The following ZGRF1 variants were observed in gnomAD, a reference collection of about 807,000 sequenced individuals.
ZGRF1 encodes zinc finger GRF-type containing 1.
Under a neutral mutation model 203.5 loss-of-function variants are expected in ZGRF1, and 196 were observed. That is an observed-to-expected ratio of 0.96 (90% CI 0.86 to 1.08). ZGRF1 has a LOEUF of 1.08. Ranked by LOEUF, ZGRF1 falls within the 50% of genes least tolerant of loss-of-function variation. The pLI is 0.00. For synonymous variants in ZGRF1, 809 were observed against 841.3 expected (o/e 0.96, Z 0.66); for missense variants, 2,326 against 2,416.3 (o/e 0.96, Z 0.78).
intron 1 of ZGRF1, among the ~76,000 whole-genome samples, chr4:112,634,667 G>A (rs2047522805): frequency 6.6e-6 from 1 of 151,172 alleles, no homozygotes; most frequent in Non-Finnish European, 1.5e-5. Context: ...AAAAATAAAA[G>A]GGCGAGGCGG....
At chr4:112,604,032 G>A (rs931628047) in intron 9 of ZGRF1, among the ~76,000 whole-genome samples, 3 of 152,122 alleles carry the variant, frequency 2.0e-5, no homozygotes, top group Non-Finnish European at 4.4e-5. Context: ...AGATCAGCCT[G>A]ACCAACATGG....
At chr4:112,621,864 T>C (rs1442817473) in intron 4 of ZGRF1, among the ~76,000 whole-genome samples, 1 of 151,136 alleles carries the variant, frequency 6.6e-6, no homozygotes, top group Non-Finnish European at 1.5e-5. Flanking sequence ...GCAGCTGGGA[T>C]TGCAGGCATG....
At chr4:112,588,356 C>T (rs528726445) in intron 11 of ZGRF1, among the ~76,000 whole-genome samples, 1 of 152,208 alleles carries the variant, frequency 6.6e-6, no homozygotes, top group African/African-American at 2.4e-5. Flanking sequence ...TTTTTTATAT[C>T]TACTTTACAT....
chr4:112,547,315 T>G lies in ZGRF1; in HGVS notation c.5568A>C (p.Glu1856Asp), dbSNP rs1292059930. 1 of 1,613,348 alleles carries G rather than the reference T, an allele frequency of 6.2e-7. No homozygotes were observed. The highest frequency in any genetic ancestry group is 1.3e-5 in the African/African-American group (1 of 74,904). ...AGCAAAGTCGATCAAAAAGAGTTTG[T>G]TCCAATCCATTTTCATGAGCTGCAT... ...GSDAAHENGL[E>D]QTLFDRLCLM... The change falls in exon 24 of 28, where the codon GAA becomes GAC. Residue 1856 changes from glutamate to aspartate, a missense_variant. Physicochemically the swap from Glu to Asp is conservative, Grantham distance 45. Coordinates refer to ENST00000505019, the MANE Select transcript of ZGRF1 (RefSeq NM_018392.5).
In ZGRF1 at chr4:112,554,754, T is replaced by C. The variant is rs970600197; in HGVS notation, c.5149A>G (p.Ile1717Val). 21 of 1,543,232 alleles carry C rather than the reference T, an allele frequency of 1.4e-5. No individual in the cohort carries two copies. The highest frequency in any genetic ancestry group is 2.4e-5 in the East Asian group (1 of 40,890). ...ATCTTCCTAACACTCCCAACTCTGA[T>C]AAAGTTTTCAAATCCAAGACTGAGA... Reference protein sequence around the residue: ...GLLSLGFENFIRVGSVRKIAK... With the variant: ...GLLSLGFENFVRVGSVRKIAK... The change falls in exon 21 of 28, where the codon ATC becomes GTC. Residue 1717 changes from isoleucine (I) to valine (V), a missense_variant. By Grantham distance (29) the Ile-to-Val change is conservative. Transcript: ENST00000505019.
At chr4:112,601,630 C>T (rs1341029083) in intron 10 of ZGRF1, among the ~76,000 whole-genome samples, 3 of 150,722 alleles carry the variant, frequency 2.0e-5, no homozygotes, top group East Asian at 2.0e-4. Context: ...CCCAGCTACT[C>T]GAGAGTCTGA....
chr4:112,613,489 GACAA>G (rs1289267450), intron 6 of ZGRF1, among the ~76,000 whole-genome samples: 4 of 151,988 alleles, frequency 2.6e-5, no homozygotes, highest in Non-Finnish European at 5.9e-5. Context: ...AGACACAAAA[GACAA>G]ACAAATAACT....
intron 3 of ZGRF1, among the ~76,000 whole-genome samples, chr4:112,631,682 A>G (rs775025931): frequency 2.6e-4 from 40 of 152,208 alleles, no homozygotes; most frequent in Non-Finnish European, 3.2e-4. Context: ...AAAAAAAATA[A>G]AAATAAATAA....
At position 112,618,471 on chromosome 4, in the gene ZGRF1, G is replaced by C. The variant is rs997874611; in HGVS notation, c.1571C>G (p.Thr524Arg). 2.5e-6 allele frequency: 4 copies of C among 1,613,482 alleles called. No homozygotes were observed. The South Asian group carries it at 3.3e-5, about 13-fold the overall frequency. Residue 524 changes from threonine to arginine, a missense_variant, in exon 6 of 28, where the codon ACA (threonine) becomes AGA (arginine). By Grantham distance (71) the Thr-to-Arg change is moderately conservative. Coordinates refer to ENST00000505019, the MANE Select transcript of ZGRF1 (RefSeq NM_018392.5). Reference sequence around the variant, plus strand: ...AAAAGTTACCTCCAAAAATGGTTGTGTTACATTACTCAGAGATTCATGAAT... The same window carrying C: ...AAAAGTTACCTCCAAAAATGGTTGTCTTACATTACTCAGAGATTCATGAAT... Reference protein sequence around the residue: ...NSIHESLSNVTQPFLEVTFNL... With the variant: ...NSIHESLSNVRQPFLEVTFNL...
chr4:112,635,247 C>G (rs1043970203), intron 1 of ZGRF1, among the ~76,000 whole-genome samples: 3 of 151,144 alleles, frequency 2.0e-5, no homozygotes, highest in African/African-American at 7.4e-5. Flanking sequence ...GAGAAAAACA[C>G]TCCTGGGCTA....
chr4:112,628,473 T>C, intron 3 of ZGRF1: 1 of 412,758 alleles, frequency 2.4e-6, no homozygotes, highest in South Asian at 1.8e-5. Flanking sequence ...AATATGTTGG[T>C]TGGTTGATGA....
intron 8 of ZGRF1, among the ~76,000 whole-genome samples, chr4:112,608,480 C>T (rs1174578566): frequency 1.3e-5 from 2 of 151,918 alleles, no homozygotes; most frequent in Non-Finnish European, 2.9e-5. Flanking sequence ...ATTAGCCAGG[C>T]GTGGTAGTGC....
intron 16 of ZGRF1, among the ~76,000 whole-genome samples, chr4:112,572,390 C>T (rs1035759540): frequency 3.9e-5 from 6 of 152,172 alleles, no homozygotes; most frequent in African/African-American, 1.2e-4. Flanking sequence ...TCACCTTATA[C>T]AAAATTCAAC....
chr4:112,607,177 T>C (rs1430868923), intron 8 of ZGRF1, among the ~76,000 whole-genome samples: 1 of 152,124 alleles, frequency 6.6e-6, no homozygotes, highest in Non-Finnish European at 1.5e-5. Context: ...CAGGCTGGAG[T>C]GCAGTGGCGC....
chr4:112,630,503 A>G (rs1024530661), intron 3 of ZGRF1, among the ~76,000 whole-genome samples: 2 of 150,582 alleles, frequency 1.3e-5, no homozygotes, highest in Non-Finnish European at 3.0e-5. Flanking sequence ...GGGCGACAAG[A>G]GCAAAAATCC....
intron 3 of ZGRF1, among the ~76,000 whole-genome samples, chr4:112,627,570 T>C (rs2047279438): frequency 6.6e-6 from 1 of 152,072 alleles, no homozygotes; most frequent in Non-Finnish European, 1.5e-5. Flanking sequence ...GTGAAACCCG[T>C]CTCTACCAAA....
chr4:112,612,634 G>T, intron 6 of ZGRF1, 46 bp from the exon 7 acceptor site: 1 of 1,211,264 alleles, frequency 8.3e-7, no homozygotes, highest in South Asian at 1.3e-5. Context: ...ATATATAGCA[G>T]TACTCTAAAA....
In ZGRF1 at chr4:112,603,636, C is replaced by A. The variant is rs761131574; in HGVS notation, c.2864G>T (p.Gly955Val). Residue 955 changes from glycine to valine, a missense_variant, in exon 10 of 28, where the codon GGA becomes GTA. Physicochemically the swap from Gly to Val is moderately radical, Grantham distance 109. Transcript: ENST00000505019. ...GSATSGVMVR[G>V]HSSQLGCSQF... ...ACTGCATCCTAGCTGTGAGCTGTGT[C>A]CTCTGACCATTACACCACTAGTAGC... 1.9e-6 allele frequency: 3 copies of A among 1,613,944 alleles called. No individual in the cohort carries two copies. The highest frequency in any genetic ancestry group is 1.7e-6 in the Non-Finnish European group (2 of 1,179,896).
chr4:112,588,374 C>T (rs1052687264), intron 11 of ZGRF1, among the ~76,000 whole-genome samples: 2 of 152,066 alleles, frequency 1.3e-5, no homozygotes, highest in Non-Finnish European at 2.9e-5. Flanking sequence ...CATTCTTTCC[C>T]AGAGACGGAA....
Sources: gnomAD v4.1 joint callset for allele counts (sites outside exome capture counted in the v4.1 genomes callset) on GRCh38, gnomAD v4.1.1 for gene constraint, MANE v1.5 for transcripts, NCBI Gene and HGNC (gene_info 2026-07-23, HGNC 2026-07-21) for gene names.